The following KLHL7 variants were observed in gnomAD, a reference collection of about 807,000 sequenced individuals.
The protein encoded by KLHL7 is kelch like family member 7, also known as kelch-like protein 7.
In KLHL7, 44 loss-of-function variants were observed where a neutral mutation model predicts 67.4. That is an observed-to-expected ratio of 0.65 (90% CI 0.51 to 0.84). The LOEUF is 0.84. Among genes scored for constraint, KLHL7 ranks in the 40% least tolerant of loss-of-function variants. The probability of loss-of-function intolerance (pLI) is 0.00; values close to 1 mark genes in which losing one functional copy is unlikely to be tolerated. For missense variants in KLHL7, 362 were observed against 718.1 expected, an observed-to-expected ratio of 0.50 and a Z score of 5.67; for synonymous variants, 252 against 243.3, an observed-to-expected ratio of 1.04 and a Z score of -0.33.
chr7:23,125,288 A>G (rs1783526513), intron 4 of KLHL7, 116 bp downstream of exon 4: 2 of 1,070,400 alleles, frequency 1.9e-6, no homozygotes, highest in Non-Finnish European at 2.7e-6. Flanking sequence ...GACATTGTCC[A>G]CTAGAACGTT....
intron 7 of KLHL7, among the ~76,000 whole-genome samples, chr7:23,157,200 T>C (rs1784733302): frequency 1.3e-5 from 2 of 152,224 alleles, no homozygotes; most frequent in South Asian, 2.1e-4. Flanking sequence ...AGTATATCAG[T>C]AGCGTTTGTC....
In KLHL7 at chr7:23,114,018, T is replaced by G. The variant is rs181313666; in HGVS notation, c.120+7872T>G. The stretch of plus-strand genomic sequence containing the variant: ...GAAGCTGAAAGGAAATGAGGCATCT[T>G]GAGCTCATATCTACCTCACTTCCTC... On this transcript the variant is annotated intron_variant, in intron 1 of 10. Coordinates refer to ENST00000339077, the MANE Select transcript of KLHL7 (RefSeq NM_001031710.3). 3.3e-5 allele frequency among the ~76,000 whole-genome samples: 5 copies of G among 152,354 alleles called. No homozygotes were observed. The East Asian group carries it at 7.7e-4, about 23-fold the overall frequency.
At chr7:23,129,416 GA>G in intron 4 of KLHL7, 1 of 390,188 alleles carries the variant, frequency 2.6e-6, no homozygotes. Context: ...TTCATGAACT[GA>G]AAAATCTCAC....
At chr7:23,108,742 C>T (rs1255116585) in intron 1 of KLHL7, among the ~76,000 whole-genome samples, 1 of 152,108 alleles carries the variant, frequency 6.6e-6, no homozygotes, top group Non-Finnish European at 1.5e-5. Flanking sequence ...AGCACATCGG[C>T]AAAAAGTGGG....
At chr7:23,148,348 A>C (rs1326768367) in intron 6 of KLHL7, among the ~76,000 whole-genome samples, 1 of 151,998 alleles carries the variant, frequency 6.6e-6, no homozygotes, top group African/African-American at 2.4e-5. Context: ...GATGTGTGTC[A>C]AGGACACATC....
chr7:23,157,650 G>A (rs1194225405), intron 7 of KLHL7, among the ~76,000 whole-genome samples: 1 of 152,028 alleles, frequency 6.6e-6, no homozygotes, highest in Non-Finnish European at 1.5e-5. Context: ...TACACTGGTC[G>A]GTAGTTTTGT....
intron 4 of KLHL7, among the ~76,000 whole-genome samples, chr7:23,127,433 G>A (rs538795609): frequency 6.6e-5 from 10 of 152,274 alleles, no homozygotes; most frequent in Non-Finnish European, 1.2e-4. Flanking sequence ...GGCCCAGCCA[G>A]GTGAGCCAAG....
At chr7:23,109,736 T>C (rs1782787280) in intron 1 of KLHL7, among the ~76,000 whole-genome samples, 1 of 152,240 alleles carries the variant, frequency 6.6e-6, no homozygotes, top group African/African-American at 2.4e-5. Context: ...AAACCCTTGA[T>C]ATTAATAAGA....
chr7:23,127,123 A>G lies in KLHL7; in HGVS notation c.442+1951A>G, dbSNP rs548266435. ...TACCTTAATTAAGTTTTTGGAAATG[A>G]TGGCTTATGTATGTTTCTATAACTC... On this transcript the variant is annotated intron_variant, in intron 4 of 10. Transcript: ENST00000339077. 2.0e-5 allele frequency among the ~76,000 whole-genome samples: 3 copies of G among 152,340 alleles called. No individual in the cohort carries two copies. In the South Asian group the frequency reaches 6.2e-4, roughly 32 times the overall value.
intron 7 of KLHL7, among the ~76,000 whole-genome samples, chr7:23,161,997 G>A (rs1194363557): frequency 6.6e-6 from 1 of 152,196 alleles, no homozygotes. Flanking sequence ...GACCTCAGCA[G>A]CCATCCTGCT....
intron 4 of KLHL7, 191 bp from the exon 5 acceptor site, chr7:23,140,573 AAAAAC>A: frequency 3.2e-6 from 2 of 630,570 alleles, no homozygotes; most frequent in South Asian, 1.6e-5. Flanking sequence ...CAAAAAAACA[AAAAAC>A]AAAAAAAAAA....
chr7:23,162,423 A>T (rs1178454472), intron 7 of KLHL7, among the ~76,000 whole-genome samples: 1 of 152,240 alleles, frequency 6.6e-6, no homozygotes, highest in Non-Finnish European at 1.5e-5. Context: ...TTGGTTAGGG[A>T]TGCATCCTAA....
intron 1 of KLHL7, among the ~76,000 whole-genome samples, chr7:23,114,016 C>T (rs1341049931): frequency 6.6e-6 from 1 of 152,198 alleles, no homozygotes. Flanking sequence ...AATGAGGCAT[C>T]TTGAGCTCAT....
At chr7:23,172,417 T>C (rs1441644732) in intron 9 of KLHL7, among the ~76,000 whole-genome samples, 5 of 152,190 alleles carry the variant, frequency 3.3e-5, no homozygotes, top group Non-Finnish European at 7.3e-5. Flanking sequence ...CAGCATAAAG[T>C]TCTTAGTGTA....
At position 23,105,828 on chromosome 7, in the gene KLHL7, T is replaced by C. The variant is rs1310194271; in HGVS notation, c.-199T>C. ...CAGCCCAGTTGGTAGCGTCGCTCCC[T>C]GAGCGTTTCTAAGGGGGCCGCCCGG... is the stretch of plus-strand genomic sequence containing the variant. On this transcript the variant is annotated 5_prime_UTR_variant, in exon 1 of 11. Coordinates refer to ENST00000339077, the MANE Select transcript of KLHL7 (RefSeq NM_001031710.3). 5 of 742,796 alleles carry C rather than the reference T, an allele frequency of 6.7e-6. No individual in the cohort carries two copies. Among genetic ancestry groups the C allele is most frequent in the East Asian group, 2.9e-5 (1 of 35,018 alleles). 46.0% of individuals were successfully genotyped at this position (742,796 alleles called of 1,614,324 possible).
rs1216194960 is a variant in KLHL7 at position 23,175,275 on chromosome 7, A to T, written c.*977A>T. The T allele has an allele frequency of 6.6e-6, 3 of 453,852 alleles. No homozygotes were observed. Among genetic ancestry groups the T allele is most frequent in the Admixed American group, 4.7e-5 (2 of 42,536 alleles). 28.1% of individuals were successfully genotyped at this position (453,852 alleles called of 1,614,324 possible). Reference sequence around the variant, plus strand: ...ATGTCATCTCCTATTCATTGCTTTTATGTGATCAATAAATCTTTTACAAAC... The same window carrying T: ...ATGTCATCTCCTATTCATTGCTTTTTTGTGATCAATAAATCTTTTACAAAC... On this transcript the variant is annotated 3_prime_UTR_variant, in exon 11 of 11. Coordinates refer to ENST00000339077, the MANE Select transcript of KLHL7 (RefSeq NM_001031710.3).
At chr7:23,160,191 G>A (rs561269836) in intron 7 of KLHL7, among the ~76,000 whole-genome samples, 9 of 152,108 alleles carry the variant, frequency 5.9e-5, no homozygotes, top group Non-Finnish European at 5.9e-5. Flanking sequence ...ACCTTGCTGC[G>A]CCAAGATTAA....
intron 8 of KLHL7, 138 bp from the exon 9 acceptor site, chr7:23,167,698 T>C: frequency 2.8e-6 from 2 of 718,310 alleles, no homozygotes; most frequent in Non-Finnish European, 2.4e-6. Context: ...TCCTACACTT[T>C]GTTGTTGTTG....
intron 4 of KLHL7, among the ~76,000 whole-genome samples, chr7:23,140,411 G>A (rs753936462): frequency 1.3e-5 from 2 of 152,156 alleles, no homozygotes; most frequent in African/African-American, 2.4e-5. Context: ...AAAAAAATTA[G>A]CCAGGCGTGG....
Sources: gnomAD v4.1 joint callset for allele counts (sites outside exome capture counted in the v4.1 genomes callset) on GRCh38, gnomAD v4.1.1 for gene constraint, MANE v1.5 for transcripts, NCBI Gene and HGNC (gene_info 2026-07-23, HGNC 2026-07-21) for gene names.